Variants in RNF144A observed in about 807,000 individuals in gnomAD.
The protein encoded by RNF144A is ring finger protein 144A, also known as E3 ubiquitin-protein ligase RNF144A.
RNF144A carries 11 observed loss-of-function variants against 38.7 expected under a neutral mutation model. That is an observed-to-expected ratio of 0.28 (90% confidence interval 0.18 to 0.47). The LOEUF (loss-of-function observed/expected upper bound fraction) is 0.47. Among genes scored for constraint, RNF144A ranks in the 20% least tolerant of loss-of-function variants. The pLI, the probability that RNF144A is intolerant of heterozygous loss-of-function variation, is 0.99. For synonymous variants in RNF144A, 149 were observed against 143.9 expected (o/e 1.04, Z -0.25); for missense variants, 316 against 377.2 (o/e 0.84, Z 1.34).
chr2:7,044,742 T>C (rs1311033393), downstream of RNF144A, among the ~76,000 whole-genome samples: 1 of 152,222 alleles, frequency 6.6e-6, no homozygotes, highest in African/African-American at 2.4e-5. Flanking sequence ...GGAGAATCTA[T>C]ACCTCATGCG....
downstream of RNF144A, among the ~76,000 whole-genome samples, chr2:7,072,092 G>A (rs781193593): frequency 3.3e-5 from 5 of 152,218 alleles, no homozygotes; most frequent in South Asian, 2.1e-4. Context: ...ATAGTAGCTC[G>A]ATGCTGCTGT....
chr2:6,977,474 C>T (rs1346895189), intron 2 of RNF144A, among the ~76,000 whole-genome samples: 2 of 152,260 alleles, frequency 1.3e-5, no homozygotes, highest in Non-Finnish European at 2.9e-5. Context: ...AATTTCACTG[C>T]AGAGAGGATC....
intron 2 of RNF144A, among the ~76,000 whole-genome samples, chr2:6,991,423 G>A (rs141458908): frequency 3.9e-5 from 6 of 152,160 alleles, no homozygotes; most frequent in Non-Finnish European, 5.9e-5. Flanking sequence ...CAATCTGTAC[G>A]TGCTCAAGTT....
At chr2:7,058,013 A>G (rs1292369915) in intron 6 of RNF144A, among the ~76,000 whole-genome samples, 3 of 152,232 alleles carry the variant, frequency 2.0e-5, no homozygotes, top group Non-Finnish European at 4.4e-5. Flanking sequence ...CACTTCTGAC[A>G]TGTGCCAGGT....
intron 1 of RNF144A, among the ~76,000 whole-genome samples, chr2:6,920,475 G>T: frequency 6.6e-6 from 1 of 152,196 alleles, no homozygotes. Flanking sequence ...AGAAGAGGAT[G>T]AAGCCGTGCT....
chr2:7,055,531 A>C (rs1256134300), intron 6 of RNF144A, among the ~76,000 whole-genome samples: 2 of 152,070 alleles, frequency 1.3e-5, no homozygotes, highest in Admixed American at 1.3e-4. Flanking sequence ...TCTTTCACTA[A>C]GTTTTCAATT....
intron 1 of RNF144A, among the ~76,000 whole-genome samples, chr2:6,923,109 C>CTCTT (rs1664646756): frequency 6.6e-6 from 1 of 152,166 alleles, no homozygotes; most frequent in African/African-American, 2.4e-5. Context: ...CTGCTACAGC[C>CTCTT]TCTTCAGTGA....
chr2:6,970,521 C>G (rs1667944797), intron 2 of RNF144A, among the ~76,000 whole-genome samples: 1 of 152,194 alleles, frequency 6.6e-6, no homozygotes, highest in African/African-American at 2.4e-5. Context: ...AATACACGTC[C>G]CATCCCCAAG....
Position 6,941,519 on chromosome 2 carries a change from G to T in RNF144A, c.-12+372G>T, listed in dbSNP as rs1361258558. 6.6e-6 allele frequency among the ~76,000 whole-genome samples: 1 copy of T among 152,238 alleles called. No individual in the cohort carries two copies. The highest frequency in any genetic ancestry group is 1.5e-5 in the Non-Finnish European group (1 of 68,042). ...CTCAGAACTCAGTGAGGCAGCACCA[G>T]TGCCTGCTCTCACGAAGATTCTGTG... On this transcript the variant is annotated intron_variant, in intron 2 of 8. Coordinates refer to ENST00000320892, the MANE Select transcript of RNF144A (RefSeq NM_014746.6). This position sits in a 1 kb window ranked among gnomAD's most constrained non-coding sequence, Gnocchi z 6.5.
intron 1 of RNF144A, among the ~76,000 whole-genome samples, chr2:6,927,351 G>C (rs1664941870): frequency 1.3e-5 from 2 of 152,162 alleles, no homozygotes; most frequent in Admixed American, 1.3e-4. Flanking sequence ...CTCTCCCTTT[G>C]GCCTGCAGCT....
intron 2 of RNF144A, among the ~76,000 whole-genome samples, chr2:6,959,850 A>G (rs1395448127): frequency 1.3e-5 from 2 of 152,206 alleles, no homozygotes; most frequent in Non-Finnish European, 2.9e-5. Context: ...GGGAACCAAC[A>G]TTGAAACCAT....
intron 5 of RNF144A, among the ~76,000 whole-genome samples, chr2:7,017,304 TTTTTTTTTTGTTCTTTG>T (rs1671203460): frequency 1.8e-5 from 2 of 111,450 alleles, no homozygotes; most frequent in South Asian, 3.5e-4. Context: ...CGTGTATTGT[TTTTTTTTTTGTTCTTTG>T]TTTTTTTTTT....
At position 7,064,560 on chromosome 2, in the gene RNF144A, C is replaced by T. The variant is rs112079406; in HGVS notation, c.735-3656C>T. Among the ~76,000 whole-genome samples the T allele has an allele frequency of 5.9e-3, 899 of 152,228 alleles. 9 individuals are homozygous for T. The highest frequency in any genetic ancestry group is 0.02 in the African/African-American group (840 of 41,542). On this transcript the variant is annotated intron_variant, in intron 6 of 6. Coordinates refer to the RNF144A transcript ENST00000432850. ...AAGGAAAGTTAAGGAGTTTCTGTCT[C>T]AAGGCTTTCAGAACCTCACTGAAGT...
At chr2:6,949,388 C>G (rs922177851) in intron 2 of RNF144A, among the ~76,000 whole-genome samples, 21 of 150,174 alleles carry the variant, frequency 1.4e-4, no homozygotes, top group Admixed American at 8.6e-4. Context: ...CCCCTCCCCT[C>G]CCCTCCCCTT....
intron 6 of RNF144A, among the ~76,000 whole-genome samples, chr2:7,054,652 G>A (rs1572487033): frequency 6.6e-6 from 1 of 152,178 alleles, no homozygotes; most frequent in Non-Finnish European, 1.5e-5. Context: ...CTCAAGGGAA[G>A]TAGCTAGCCC....
intron 2 of RNF144A, among the ~76,000 whole-genome samples, chr2:6,969,808 C>G (rs1234460679): frequency 3.3e-5 from 5 of 152,160 alleles, no homozygotes; most frequent in Non-Finnish European, 5.9e-5. Flanking sequence ...GTCGCCTAGG[C>G]TGGAGTGCAG....
In RNF144A at chr2:7,041,188, G is replaced by T. The variant is rs1388811332; in HGVS notation, c.*1428G>T. ...ATCTTGTTAAACATTCTATAAAGAAGTAAAACAAAATCCTTTTATCTCAGT... is the reference window on the plus strand; with the variant it reads ...ATCTTGTTAAACATTCTATAAAGAATTAAAACAAAATCCTTTTATCTCAGT... On this transcript the variant is annotated 3_prime_UTR_variant, in exon 9 of 9. Coordinates refer to ENST00000320892, the MANE Select transcript of RNF144A (RefSeq NM_014746.6). 17 of 983,628 alleles carry T rather than the reference G, an allele frequency of 1.7e-5. No individual in the cohort carries two copies. The highest frequency in any genetic ancestry group is 6.1e-5 in the Admixed American group (1 of 16,286). 60.9% of individuals were successfully genotyped at this position (983,628 alleles called of 1,614,324 possible).
At chr2:7,014,221 G>C (rs936525402) in intron 3 of RNF144A, among the ~76,000 whole-genome samples, 3 of 152,194 alleles carry the variant, frequency 2.0e-5, no homozygotes, top group African/African-American at 7.2e-5. Context: ...CTAACCCATA[G>C]CCTTAGCTTT....
intron 1 of RNF144A, among the ~76,000 whole-genome samples, chr2:6,918,008 T>G (rs1489230676): frequency 2.0e-5 from 3 of 151,250 alleles, no homozygotes; most frequent in Non-Finnish European, 4.4e-5. Context: ...CGGGCCAGGG[T>G]CCCGCGGGCG....
Sources: allele counts gnomAD v4.1 joint callset (sites outside exome capture counted in the v4.1 genomes callset), GRCh38; gene constraint gnomAD v4.1.1; non-coding constraint Gnocchi (gnomAD v3.1); transcripts MANE v1.5; gene names NCBI Gene and HGNC (gene_info 2026-07-23, HGNC 2026-07-21).